The following PRR11 variants were observed in gnomAD, a reference collection of about 807,000 sequenced individuals.
PRR11 encodes proline rich 11.
PRR11 carries 30 observed loss-of-function variants against 45.6 expected under a neutral mutation model. The observed-to-expected ratio is 0.66, with a 90% CI of 0.49 to 0.89. The LOEUF (loss-of-function observed/expected upper bound fraction) is 0.89. PRR11 is among the 40% of genes least tolerant of loss of function. The pLI is 0.00. For missense variants in PRR11, 373 were observed against 424.8 expected, an observed-to-expected ratio of 0.88 and a Z score of 1.07; for synonymous variants, 128 against 153.5, an observed-to-expected ratio of 0.83 and a Z score of 1.23.
chr17:59,170,254 GA>G (rs540230793), intron 2 of PRR11, among the ~76,000 whole-genome samples: 6 of 143,834 alleles, frequency 4.2e-5, no homozygotes, highest in African/African-American at 5.1e-5. Flanking sequence ...CTCCCTCTCA[GA>G]AAAAAAAAAG....
At chr17:59,197,488 T>A in intron 7 of PRR11, 56 bp from the exon 8 acceptor site, 1 of 1,467,576 alleles carries the variant, frequency 6.8e-7, no homozygotes, top group Middle Eastern at 2.2e-4. Flanking sequence ...CCTGACCTTG[T>A]GATCCACCTG....
chr17:59,183,093 A>C (rs1437061862), intron 2 of PRR11, among the ~76,000 whole-genome samples: 1 of 152,154 alleles, frequency 6.6e-6, no homozygotes, highest in East Asian at 1.9e-4. Context: ...TGGTCATTCC[A>C]ACCTGGCAAC....
At chr17:59,200,407 C>T (rs150596275) in intron 9 of PRR11, among the ~76,000 whole-genome samples, 17 of 151,460 alleles carry the variant, frequency 1.1e-4, no homozygotes, top group African/African-American at 3.6e-4. Flanking sequence ...CCATCCTGGG[C>T]GATATAGCAA....
chr17:59,184,982 C>A, intron 2 of PRR11, 72 bp from the exon 3 acceptor site: 1 of 1,442,440 alleles, frequency 6.9e-7, no homozygotes. Context: ...GAGGCATGAG[C>A]CACCACACCA....
chr17:59,163,220 A>T (rs1025676643), intron 1 of PRR11, among the ~76,000 whole-genome samples: 1 of 151,982 alleles, frequency 6.6e-6, no homozygotes, highest in Admixed American at 6.6e-5. Flanking sequence ...CCTCCCAGAT[A>T]GCTGGGACTA....
intron 2 of PRR11, among the ~76,000 whole-genome samples, chr17:59,175,301 C>T (rs989086000): frequency 2.0e-5 from 3 of 152,150 alleles, no homozygotes; most frequent in Non-Finnish European, 2.9e-5. Context: ...TGCTGAAGGG[C>T]GTCTCCCACT....
In PRR11 at chr17:59,194,795, A is replaced by G; in HGVS notation, c.684A>G (p.Thr228=). ...AAAAAGATGGACCCATGCAGATAAC[A>G]GTTAAAGATCTGCTGACTGTAAAAT... ...PLKKDGPMQI[T]VKDLLTVKLK... The change falls in exon 6 of 10, where the codon ACA becomes ACG. Residue 228 remains threonine (T), a synonymous_variant. Coordinates refer to ENST00000262293, the MANE Select transcript of PRR11 (RefSeq NM_018304.4). The G allele has an allele frequency of 5.0e-6, 8 of 1,614,004 alleles. No homozygotes were observed. The highest frequency in any genetic ancestry group is 1.1e-5 in the South Asian group (1 of 91,070).
chr17:59,167,856 G>A (rs766700592), intron 1 of PRR11, among the ~76,000 whole-genome samples: 1 of 152,186 alleles, frequency 6.6e-6, no homozygotes, highest in Non-Finnish European at 1.5e-5. Context: ...TTTTGGCCAC[G>A]TTCTTTACTG....
At chr17:59,184,850 G>GT (rs5821252) in intron 2 of PRR11, among the ~76,000 whole-genome samples, 6,923 of 72,900 alleles carry the variant, frequency 0.095, 938 homozygotes, top group Non-Finnish European at 0.13. Flanking sequence ...GCCTGATTAA[G>GT]TTTTTTTTTT....
chr17:59,189,958 A>G (rs764900852), intron 4 of PRR11, among the ~76,000 whole-genome samples: 73 of 151,988 alleles, frequency 4.8e-4, no homozygotes, highest in Non-Finnish European at 7.1e-4. Flanking sequence ...TGGGCAACAT[A>G]GTGAGACCCT....
intron 2 of PRR11, among the ~76,000 whole-genome samples, chr17:59,172,950 G>A (rs912333738): frequency 6.6e-6 from 1 of 152,266 alleles, no homozygotes; most frequent in African/African-American, 2.4e-5. Context: ...CCCTCCCGGT[G>A]CGAGATCCAC....
intron 2 of PRR11, among the ~76,000 whole-genome samples, chr17:59,172,013 A>G (rs2046711603): frequency 1.3e-5 from 2 of 152,226 alleles, no homozygotes; most frequent in Non-Finnish European, 2.9e-5. Flanking sequence ...CATATTTTCA[A>G]AAGTACAACA....
Position 59,197,564 on chromosome 17 carries a change from T to C in PRR11, c.878T>C (p.Met293Thr). ...ATCAGCACTCCTGGAAAAAGTCAGATGGATCTGCGGAAACTGCTTAGAAAA... is the reference window on the plus strand; with the variant it reads ...ATCAGCACTCCTGGAAAAAGTCAGACGGATCTGCGGAAACTGCTTAGAAAA... ...NVLITPGKSQ[M>T]DLRKLLRKVD... is the part of the protein sequence containing the mutation. Residue 293 changes from methionine to threonine, a missense_variant, in exon 8 of 10, where the codon ATG becomes ACG. Met to Thr is a moderately conservative substitution (Grantham distance 81). Coordinates refer to ENST00000262293, the MANE Select transcript of PRR11 (RefSeq NM_018304.4). 1.2e-6 allele frequency: 2 copies of C among 1,614,052 alleles called. No homozygotes were observed. The highest frequency in any genetic ancestry group is 1.7e-6 in the Non-Finnish European group (2 of 1,179,918).
At chr17:59,186,381 AT>A (rs59082405) in intron 4 of PRR11, among the ~76,000 whole-genome samples, 85 of 84,640 alleles carry the variant, frequency 1.0e-3, no homozygotes, top group Middle Eastern at 0.013. Flanking sequence ...GCTGTTTGTA[AT>A]TTTTTTTTTT....
At chr17:59,171,940 A>G (rs540034413) in intron 2 of PRR11, among the ~76,000 whole-genome samples, 2 of 152,250 alleles carry the variant, frequency 1.3e-5, no homozygotes, top group East Asian at 3.9e-4. Flanking sequence ...GTTGAAATGA[A>G]AATTATCTTT....
At chr17:59,176,675 T>G (rs1359506848) in intron 2 of PRR11, among the ~76,000 whole-genome samples, 1 of 137,690 alleles carries the variant, frequency 7.3e-6, no homozygotes, top group East Asian at 2.0e-4. Context: ...TGGAATTTGG[T>G]TTTTTTGGCT....
At chr17:59,167,028 A>G (rs1269583109) in intron 1 of PRR11, among the ~76,000 whole-genome samples, 1 of 151,980 alleles carries the variant, frequency 6.6e-6, no homozygotes, top group Non-Finnish European at 1.5e-5. Context: ...CCAGGCGTGG[A>G]TGGCGGGCAC....
chr17:59,175,186 G>T, intron 2 of PRR11: 1 of 486,670 alleles, frequency 2.1e-6, no homozygotes, highest in Admixed American at 2.8e-5. Context: ...CTCTGGCTGA[G>T]GTCAGCTTCC....
chr17:59,172,128 T>A lies in PRR11; in HGVS notation c.128+2248T>A, dbSNP rs149786171. Among the ~76,000 whole-genome samples the A allele has an allele frequency of 4.4e-3, 677 of 152,334 alleles. 1 individual carries two copies. The highest frequency in any genetic ancestry group is 7.0e-3 in the Non-Finnish European group (473 of 68,026). On this transcript the variant is annotated intron_variant, in intron 2 of 9. Transcript: ENST00000262293. ...GTATGAAGCTATCTGTTACAGTCTA[T>A]GGCACTCATATTTTTACAAAGAATT...
Sources: allele counts gnomAD v4.1 joint callset (sites outside exome capture counted in the v4.1 genomes callset), GRCh38; gene constraint gnomAD v4.1.1; transcripts MANE v1.5; gene names NCBI Gene and HGNC (gene_info 2026-07-23, HGNC 2026-07-21).